Variants in NCAPH2 observed in about 807,000 individuals in gnomAD.
The protein encoded by NCAPH2 is condensin-2 complex subunit H2.
NCAPH2 carries 56 observed loss-of-function variants against 88.6 expected under a neutral mutation model. That is an observed-to-expected ratio of 0.63 (90% CI 0.51 to 0.79). The LOEUF (loss-of-function observed/expected upper bound fraction) is 0.79, where lower values mean the gene tolerates loss of function less well. Ranked by LOEUF, NCAPH2 falls within the 30% of genes least tolerant of loss-of-function variation. The probability of loss-of-function intolerance (pLI) is 0.00; values close to 1 mark genes in which losing one functional copy is unlikely to be tolerated. For missense variants in NCAPH2, 794 were observed against 792.0 expected, an observed-to-expected ratio of 1.00 and a Z score of -0.03; for synonymous variants, 378 against 313.6, an observed-to-expected ratio of 1.21 and a Z score of -2.17.
rs375832895 is a variant in NCAPH2 at position 50,518,076 on chromosome 22, G to C, written c.500+24G>C. 4.3e-6 allele frequency: 7 copies of C among 1,613,548 alleles called. No individual in the cohort carries two copies. The African/African-American group carries it at 8.0e-5, about 18-fold the overall frequency. On this transcript the variant is annotated intron_variant, in intron 6 of 19. Transcript: ENST00000420993. ...AGGTAGGGATCTGAGCCCAGCGACG[G>C]GGAGGGAGGCCTGCCTGGGAAGGGT...
intron 1 of NCAPH2, chr22:50,515,650 C>A (rs894565360): frequency 2.7e-5 from 32 of 1,170,348 alleles, no homozygotes; most frequent in African/African-American, 3.2e-5. Flanking sequence ...CCCGCCTCGG[C>A]CTCCCAAAGT....
chr22:50,514,031 C>G (rs2068853452), intron 1 of NCAPH2, among the ~76,000 whole-genome samples: 2 of 152,016 alleles, frequency 1.3e-5, no homozygotes, highest in Admixed American at 6.5e-5. Flanking sequence ...TACTTGAACC[C>G]AGGAGGCGGA....
Position 50,524,076 on chromosome 22 carries a change from C to T in NCAPH2, c.*701C>T. 1 of 1,613,244 alleles carries T rather than the reference C, an allele frequency of 6.2e-7. No individual in the cohort carries two copies. The highest frequency in any genetic ancestry group is 1.1e-5 in the South Asian group (1 of 91,084). ...CCCGGAAGTCAGCCTTGCAGCGAGC[C>T]CGGCCTCTGTGATCCAGCAGGTGGA... is the stretch of plus-strand genomic sequence containing the variant. On this transcript the variant is annotated 3_prime_UTR_variant, in exon 20 of 20. Coordinates refer to ENST00000420993, the MANE Select transcript of NCAPH2 (RefSeq NM_152299.4).
chr22:50,515,551 C>T (rs1360780270), intron 1 of NCAPH2, among the ~76,000 whole-genome samples: 1 of 152,164 alleles, frequency 6.6e-6, no homozygotes, highest in Non-Finnish European at 1.5e-5. Context: ...CGCCCGCCAC[C>T]ACGCCCAGCT....
At position 50,519,741 on chromosome 22, in the gene NCAPH2, AAATC is replaced by A. The variant is rs537729059; in HGVS notation, c.861+424_861+427del. The A allele has an allele frequency of 3.5e-5, 36 of 1,021,250 alleles. No individual in the cohort carries two copies. In the South Asian group the frequency reaches 1.4e-3, roughly 40 times the overall value. The allele number at this position is 1,021,250 out of a possible 1,614,324, so 63.3% of individuals were successfully genotyped here. ...TCCTTCCTTTTTATTCATTAAAACA[AAATC>A]AACCTGATGCATACAGAGGAAATGT... is the stretch of plus-strand genomic sequence containing the variant. On this transcript the variant is annotated intron_variant, in intron 9 of 19. Transcript: ENST00000420993.
In NCAPH2 at chr22:50,524,208, C is replaced by CCCGAACAGGCCTGTGATCAGCAG; in HGVS notation, c.*837_*859dup. 6.2e-7 allele frequency: 1 copy of CCCGAACAGGCCTGTGATCAGCAG among 1,608,422 alleles called. No individual in the cohort carries two copies. Among genetic ancestry groups the CCCGAACAGGCCTGTGATCAGCAG allele is most frequent in the East Asian group, 2.2e-5 (1 of 44,878 alleles). The stretch of plus-strand genomic sequence containing the variant: ...CCAGCCAGGCCCCACCGAGTCCAGC[C>CCCGAACAGGCCTGTGATCAGCAG]CCGAACAGGCCTGTGATCAGCAGCC... On this transcript the variant is annotated 3_prime_UTR_variant, in exon 20 of 20. Coordinates refer to ENST00000420993, the MANE Select transcript of NCAPH2 (RefSeq NM_152299.4).
rs1337335837 is a variant in NCAPH2, at chr22:50,519,577, C to T, written c.861+257C>T. 1.2e-5 allele frequency: 15 copies of T among 1,263,598 alleles called. No homozygotes were observed. The East Asian group carries it at 2.2e-4, about 19-fold the overall frequency. The allele number at this position is 1,263,598 out of a possible 1,614,324, so 78.3% of individuals were successfully genotyped here. A position where few individuals can be genotyped will look rare whatever the true frequency, so the allele number is the denominator to read the frequency against. On this transcript the variant is annotated intron_variant, in intron 9 of 19. Coordinates refer to ENST00000420993, the MANE Select transcript of NCAPH2 (RefSeq NM_152299.4). The stretch of plus-strand genomic sequence containing the variant: ...TGGCGTCCAAGGATTTGAGCCCTGT[C>T]GAGCTCACGGCAACCTGGGATGGCC...
At chr22:50,514,096 G>C (rs1569520179) in intron 1 of NCAPH2, among the ~76,000 whole-genome samples, 1 of 152,088 alleles carries the variant, frequency 6.6e-6, no homozygotes, top group Non-Finnish European at 1.5e-5. Context: ...GACAGAGTGA[G>C]ACTCCGTCTC....
chr22:50,523,659 T>TGA lies in NCAPH2; in HGVS notation c.*287_*288dup. 6.2e-7 allele frequency: 1 copy of TGA among 1,613,998 alleles called. No individual in the cohort carries two copies. The highest frequency in any genetic ancestry group is 2.2e-5 in the East Asian group (1 of 44,878). ...CCGCCATGTGCCGCCGCACACTGTC[T>TGA]GAGATCTGCTCAGCCGATCTGCTCC... On this transcript the variant is annotated 3_prime_UTR_variant, in exon 20 of 20. Transcript: ENST00000420993.
At position 50,521,791 on chromosome 22, in the gene NCAPH2, C is replaced by G. The variant is rs200506211; in HGVS notation, c.1051C>G (p.Arg351Gly). 6.2e-7 allele frequency: 1 copy of G among 1,613,830 alleles called. No homozygotes were observed. Among genetic ancestry groups the G allele is most frequent in the Non-Finnish European group, 8.5e-7 (1 of 1,180,040 alleles). The stretch of plus-strand genomic sequence containing the variant: ...TGTGGAGGAGGCTCTGGGACAGAAG[C>G]GCAAGAGGAAGGGCGCTGCCAAGCT... Reference protein sequence around the residue: ...PCVEEALGQKRKRKGAAKLQD... With the variant: ...PCVEEALGQKGKRKGAAKLQD... Residue 351 changes from arginine (R) to glycine (G), a missense_variant, in exon 12 of 20, where the codon CGC becomes GGC. By Grantham distance (125) the Arg-to-Gly change is moderately radical (BLOSUM62 -2). Transcript: ENST00000420993.
In NCAPH2 at chr22:50,522,387, G is replaced by C; in HGVS notation, c.1278G>C (p.Glu426Asp). The change falls in exon 15 of 20, where the codon GAG (glutamate) becomes GAC (aspartate). Residue 426 changes from glutamate (E) to aspartate (D), a missense_variant. Glu to Asp is a conservative substitution (Grantham distance 45). Around this residue, in one of 2 missense-constraint regions of NCAPH2, gnomAD observed 735 missense variants for 696.3 expected, o/e 1.06. Coordinates refer to ENST00000420993, the MANE Select transcript of NCAPH2 (RefSeq NM_152299.4). Reference protein sequence around the residue: ...WLRPAEEDHLEDSLEDLGAAD... With the variant: ...WLRPAEEDHLDDSLEDLGAAD... ...GGCCTGCAGAGGAGGACCACCTGGA[G>C]GATTCCCTGGAAGACCTGGGGGCAG... is the stretch of plus-strand genomic sequence containing the variant. The C allele has an allele frequency of 1.2e-6, 2 of 1,609,738 alleles. No individual in the cohort carries two copies. Among genetic ancestry groups the C allele is most frequent in the Non-Finnish European group, 1.7e-6 (2 of 1,177,688 alleles).
intron 1 of NCAPH2, among the ~76,000 whole-genome samples, chr22:50,510,432 T>C (rs1031579204): frequency 1.3e-5 from 2 of 152,070 alleles, no homozygotes; most frequent in African/African-American, 4.8e-5. Flanking sequence ...GAGTTTGTTT[T>C]CTTTTCTTTT....
Position 50,524,077 on chromosome 22 carries a change from C to G in NCAPH2, c.*702C>G. On this transcript the variant is annotated 3_prime_UTR_variant, in exon 20 of 20. Transcript: ENST00000420993. Reference sequence around the variant, plus strand: ...CCGGAAGTCAGCCTTGCAGCGAGCCCGGCCTCTGTGATCCAGCAGGTGGAA... The same window carrying G: ...CCGGAAGTCAGCCTTGCAGCGAGCCGGGCCTCTGTGATCCAGCAGGTGGAA... The G allele has an allele frequency of 1.2e-6, 2 of 1,613,244 alleles. No individual in the cohort carries two copies. The highest frequency in any genetic ancestry group is 1.7e-6 in the Non-Finnish European group (2 of 1,180,026).
At chr22:50,519,893 T>TG (rs1430161165) in intron 9 of NCAPH2, 32 of 568,136 alleles carry the variant, frequency 5.6e-5, no homozygotes, top group Non-Finnish European at 6.5e-5. Flanking sequence ...TTTTTTGAGA[T>TG]GGAGTTTTGC....
rs1471116474 is a variant in NCAPH2, at chr22:50,523,446, G to A, written c.*71G>A. On this transcript the variant is annotated 3_prime_UTR_variant, in exon 20 of 20. Coordinates refer to ENST00000420993, the MANE Select transcript of NCAPH2 (RefSeq NM_152299.4). ...CGTGTGTCTGCTCCTGGCTGGCCCG[G>A]CCTAATAAAGCAGTGTTGCCATCTC... The A allele has an allele frequency of 1.3e-6, 2 of 1,523,498 alleles. No individual in the cohort carries two copies. Among genetic ancestry groups the A allele is most frequent in the Non-Finnish European group, 8.8e-7 (1 of 1,134,410 alleles). The allele number at this position is 1,523,498 out of a possible 1,614,324, so 94.4% of individuals were successfully genotyped here.
intron 2 of NCAPH2, among the ~76,000 whole-genome samples, chr22:50,516,978 C>T (rs528682671): frequency 1.1e-4 from 17 of 152,280 alleles, no homozygotes; most frequent in African/African-American, 2.6e-4. Flanking sequence ...GGCCCCGTGG[C>T]GGCAGGAGCT....
At chr22:50,516,578 T>C in intron 2 of NCAPH2, 30 bp downstream of exon 2, 2 of 1,606,388 alleles carry the variant, frequency 1.2e-6, no homozygotes, top group Non-Finnish European at 1.7e-6. Context: ...GGTCTTGGCA[T>C]TTTGGTGGCC....
At position 50,523,131 on chromosome 22, in the gene NCAPH2, G is replaced by A. The variant is rs889307989; in HGVS notation, c.1642G>A (p.Glu548Lys). 7 of 1,613,458 alleles carry A rather than the reference G, an allele frequency of 4.3e-6. No homozygotes were observed. The highest frequency in any genetic ancestry group is 3.3e-5 in the Admixed American group (2 of 59,938). ...AELVAGQPAF[E>K]VCRSMLASLQ... ...GCTGGTGGCTGGCCAGCCGGCCTTCGAGGTGTGTCGTTCCATGCTGGCCTC... is the reference window on the plus strand; with the variant it reads ...GCTGGTGGCTGGCCAGCCGGCCTTCAAGGTGTGTCGTTCCATGCTGGCCTC... The change falls in exon 19 of 20, where the codon GAG becomes AAG. Residue 548 changes from glutamate (E) to lysine (K), a missense_variant. Glu to Lys is a moderately conservative substitution (Grantham distance 56, BLOSUM62 1). Around this residue, in one of 2 missense-constraint regions of NCAPH2, gnomAD observed 735 missense variants for 696.3 expected, o/e 1.06. Coordinates refer to ENST00000420993, the MANE Select transcript of NCAPH2 (RefSeq NM_152299.4).
chr22:50,516,673 A>G, intron 2 of NCAPH2, 125 bp downstream of exon 2: 1 of 772,126 alleles, frequency 1.3e-6, no homozygotes, highest in Non-Finnish European at 2.2e-6. Flanking sequence ...CTCAGGTCTC[A>G]GCCAATTCCT....
Sources: allele counts gnomAD v4.1 joint callset (sites outside exome capture counted in the v4.1 genomes callset), GRCh38; gene constraint gnomAD v4.1.1; regional missense constraint gnomAD v4.1.1; transcripts MANE v1.5; gene names NCBI Gene and HGNC (gene_info 2026-07-23, HGNC 2026-07-21).